LTBP3: variants seen among roughly 807,000 people sequenced by gnomAD.
LTBP3 encodes the protein latent-transforming growth factor beta-binding protein 3.
A neutral mutation model predicts 159.7 loss-of-function variants in LTBP3; 97 were observed. That is an observed-to-expected ratio of 0.61 (90% CI 0.52 to 0.72). LTBP3 has a LOEUF of 0.72. Among genes scored for constraint, LTBP3 ranks in the 30% least tolerant of loss-of-function variants. LTBP3 has a pLI of 0.00. For missense variants in LTBP3, 1,584 were observed against 1,864.3 expected (o/e 0.85, Z 2.77); for synonymous variants, 824 against 777.1 (o/e 1.06, Z -1.00).
At chr11:65,549,698 G>C (rs1219302828) in intron 11 of LTBP3, among the ~76,000 whole-genome samples, 1 of 133,104 alleles carries the variant, frequency 7.5e-6, no homozygotes, top group African/African-American at 2.9e-5. Flanking sequence ...GATTACAGCC[G>C]TGAGCCACTG....
At chr11:65,557,481 T>G in intron 1 of LTBP3, 148 bp downstream of exon 1, 1 of 1,074,920 alleles carries the variant, frequency 9.3e-7, no homozygotes, top group Non-Finnish European at 1.3e-6. Context: ...GCCTCCCAAG[T>G]TCCCTGAGGC....
At position 65,551,968 on chromosome 11, in the gene LTBP3, A is replaced by T; in HGVS notation, c.1531+4T>A. 1 of 1,613,876 alleles carries T rather than the reference A, an allele frequency of 6.2e-7. No individual in the cohort carries two copies. Among genetic ancestry groups the T allele is most frequent in the Non-Finnish European group, 8.5e-7 (1 of 1,179,952 alleles). On this transcript the variant is annotated splice_donor_region_variant and intron_variant, in intron 8 of 27. Coordinates refer to ENST00000301873, the MANE Select transcript of LTBP3 (RefSeq NM_001130144.3). ...GTCAGGGATCAGAAGGGGTCAGGCT[A>T]GACCTCTCTCTTCCTCTGTGTCCTC...
chr11:65,557,983 G>A lies in LTBP3; in HGVS notation c.-24C>T, dbSNP rs757073399. 1.8e-6 allele frequency: 2 copies of A among 1,124,636 alleles called. No homozygotes were observed. Among genetic ancestry groups the A allele is most frequent in the Non-Finnish European group, 2.2e-6 (2 of 920,994 alleles). 69.7% of individuals were successfully genotyped at this position (1,124,636 alleles called of 1,614,324 possible). Reference sequence around the variant, plus strand: ...ATCCGGGGCCGCAGGACCCGGGGGAGGGGGGGCGCGCCCGGGCGGGGCGAG... The same window carrying A: ...ATCCGGGGCCGCAGGACCCGGGGGAAGGGGGGCGCGCCCGGGCGGGGCGAG... On this transcript the variant is annotated 5_prime_UTR_variant, in exon 1 of 28. Transcript: ENST00000301873.
rs1282350856 is a variant in LTBP3 at position 65,539,117 on chromosome 11, C to T, written c.3875G>A (p.Arg1292His). Residue 1292 changes from arginine to histidine, a missense_variant, in exon 28 of 28, where the codon CGC (arginine) becomes CAC (histidine). Physicochemically the swap from Arg to His is conservative, Grantham distance 29. Around this residue, in one of 6 missense-constraint regions of LTBP3, gnomAD observed 514 missense variants for 530.3 expected, o/e 0.97. Transcript: ENST00000301873. ...CTGGGGAACGCAGGCCCCGTGCGGG[C>T]GGCTGCGCGCGAAGCCGGCTTTGCA... Reference protein sequence around the residue: ...CVCKAGFARSRPHGACVPQRR... With the variant: ...CVCKAGFARSHPHGACVPQRR... 1.2e-5 allele frequency: 18 copies of T among 1,473,242 alleles called. No individual in the cohort carries two copies. Among genetic ancestry groups the T allele is most frequent in the Middle Eastern group, 2.2e-4 (1 of 4,464 alleles). 91.3% of individuals were successfully genotyped at this position (1,473,242 alleles called of 1,614,324 possible).
intron 1 of LTBP3, among the ~76,000 whole-genome samples, chr11:65,556,772 G>A (rs113635454): frequency 2.6e-5 from 4 of 152,342 alleles, no homozygotes; most frequent in African/African-American, 9.6e-5. Context: ...ATGTGTAAGA[G>A]GGGCTGTTTT....
intron 1 of LTBP3, among the ~76,000 whole-genome samples, chr11:65,557,190 A>G (rs905358436): frequency 3.0e-4 from 45 of 151,894 alleles, no homozygotes; most frequent in African/African-American, 1.1e-3. Flanking sequence ...GCAGGTGTCT[A>G]CTCTGGCAGG....
rs776753855 is a variant in LTBP3 at position 65,553,745 on chromosome 11, TC to T, written c.819del (p.Lys274SerfsTer114). ...PKPSHPRPPT[Q>X]KPLGRCFQDT... is the part of the protein sequence containing the mutation. Reference sequence around the variant, plus strand: ...TCCTGAAAGCAGCGGCCCAGGGGCTTCTGGGTGGGCGGCCGGGGGTGCGAGG... The same window carrying T: ...TCCTGAAAGCAGCGGCCCAGGGGCTTTGGGTGGGCGGCCGGGGGTGCGAGG... On this transcript the variant is annotated frameshift_variant, in exon 3 of 28. Coordinates refer to ENST00000301873, the MANE Select transcript of LTBP3 (RefSeq NM_001130144.3). LOFTEE classifies it high-confidence loss of function. This position sits in a 1 kb window ranked among gnomAD's most constrained non-coding sequence, Gnocchi z 6.5. The T allele has an allele frequency of 6.3e-7, 1 of 1,579,028 alleles. No individual in the cohort carries two copies. Among genetic ancestry groups the T allele is most frequent in the Admixed American group, 1.8e-5 (1 of 57,054 alleles).
chr11:65,542,461 C>T (rs905705923), intron 18 of LTBP3: 1 of 146,288 alleles, frequency 6.8e-6, no homozygotes, highest in African/African-American at 2.7e-5. Context: ...GATCTCGGCT[C>T]ACTGCAACCT....
At position 65,547,004 on chromosome 11, in the gene LTBP3, C is replaced by T; in HGVS notation, c.2108-84G>A. ...CCAGCGTCCACAGCAGGGACTTCCT[C>T]CCACACAGATCAACGAGGCTCCCGG... On this transcript the variant is annotated intron_variant, in intron 14 of 27. Coordinates refer to ENST00000301873, the MANE Select transcript of LTBP3 (RefSeq NM_001130144.3). The surrounding 1 kb of genome is among the most constrained non-coding windows in gnomAD (Gnocchi z 4.6). 1.3e-6 allele frequency: 2 copies of T among 1,580,404 alleles called. No individual in the cohort carries two copies. Among genetic ancestry groups the T allele is most frequent in the Non-Finnish European group, 1.7e-6 (2 of 1,162,868 alleles).
At chr11:65,549,523 T>C (rs1047341276) in intron 11 of LTBP3, among the ~76,000 whole-genome samples, 7 of 150,326 alleles carry the variant, frequency 4.7e-5, no homozygotes, top group African/African-American at 1.7e-4. Flanking sequence ...GTGATTCTCC[T>C]GAGTAGCTGG....
In LTBP3 at chr11:65,539,707, C is replaced by G; in HGVS notation, c.3547+13G>C. 6.4e-7 allele frequency: 1 copy of G among 1,561,974 alleles called. No homozygotes were observed. The highest frequency in any genetic ancestry group is 1.2e-5 in the South Asian group (1 of 86,308). ...ATCCTCGCTCCCGGCCAACTCCTCC[C>G]CGACTGCCTTACCCGCGCCGCGCGG... On this transcript the variant is annotated intron_variant, in intron 25 of 27. Coordinates refer to ENST00000301873, the MANE Select transcript of LTBP3 (RefSeq NM_001130144.3).
Position 65,538,856 on chromosome 11 carries a change from A to C in LTBP3, c.*224T>G. ...TCTGATTTATCAGTTTCTAGGAAAC[A>C]CCCTCTGGGAGGAAGGCAGGCAGCG... On this transcript the variant is annotated 3_prime_UTR_variant, in exon 28 of 28. Transcript: ENST00000301873. The C allele has an allele frequency of 1.2e-6, 1 of 860,766 alleles. No individual in the cohort carries two copies. The highest frequency in any genetic ancestry group is 2.4e-5 in the South Asian group (1 of 40,892). The allele number at this position is 860,766 out of a possible 1,614,324, so 53.3% of individuals were successfully genotyped here.
In LTBP3 at chr11:65,546,460, CG is replaced by C. The variant is rs1565094273; in HGVS notation, c.2334del (p.Asp779ThrfsTer89). On this transcript the variant is annotated frameshift_variant, in exon 16 of 28. Coordinates refer to ENST00000301873, the MANE Select transcript of LTBP3 (RefSeq NM_001130144.3). LOFTEE classifies it high-confidence loss of function. The surrounding 1 kb of genome is among the most constrained non-coding windows in gnomAD (Gnocchi z 4.0). ...CGCTCACCCAAGCAACTGCGGCCGT[CG>C]GGCGCGGGCGCGTAGCCCTGGGCAC... ...CTCAQGYAPA[P>X]DGRSCLDVDE... 6.4e-7 allele frequency: 1 copy of C among 1,573,878 alleles called. No homozygotes were observed. The highest frequency in any genetic ancestry group is 1.8e-5 in the Admixed American group (1 of 55,710).
At chr11:65,540,735 A>AGTAG in intron 21 of LTBP3, 121 bp from the exon 22 acceptor site, 1 of 1,474,360 alleles carries the variant, frequency 6.8e-7, no homozygotes, top group Non-Finnish European at 9.3e-7. Context: ...CGGGGCCTAC[A>AGTAG]GGGCGGGGCC....
chr11:65,546,545 C>T lies in LTBP3; in HGVS notation c.2250G>A (p.Glu750=). ...GACRDVNECA[E]GSPCSPGWCE... ...ACCAGCCAGGCGAGCAGGGGCTGCC[C>T]TCGGCGCACTCGTTCACGTCTGCGG... is the stretch of plus-strand genomic sequence containing the variant. Residue 750 remains glutamate (E), a synonymous_variant, in exon 16 of 28, where the codon GAG becomes GAA. Transcript: ENST00000301873. The surrounding 1 kb of genome is among the most constrained non-coding windows in gnomAD (Gnocchi z 4.0). 6.2e-7 allele frequency: 1 copy of T among 1,602,286 alleles called. No homozygotes were observed. Among genetic ancestry groups the T allele is most frequent in the Non-Finnish European group, 8.5e-7 (1 of 1,179,408 alleles).
rs751452456 is a variant in LTBP3 at position 65,557,928 on chromosome 11, A to G, written c.32T>C (p.Leu11Pro). MPGPRGAAGG[L>P]APEMRGAGAA... The stretch of plus-strand genomic sequence containing the variant: ...CCCCGCCCCGCGCATCTCAGGGGCC[A>G]GGCCGCCAGCAGCCCCTCGGGGCCC... The change falls in exon 1 of 28, where the codon CTG (leucine) becomes CCG (proline). Residue 11 changes from leucine to proline, a missense_variant. Physicochemically the swap from Leu to Pro is moderately conservative, Grantham distance 98. Transcript: ENST00000301873. The G allele has an allele frequency of 8.2e-7, 1 of 1,226,744 alleles. No homozygotes were observed. Among genetic ancestry groups the G allele is most frequent in the South Asian group, 2.5e-5 (1 of 39,828 alleles). 76.0% of individuals were successfully genotyped at this position (1,226,744 alleles called of 1,614,324 possible).
intron 18 of LTBP3, chr11:65,542,748 G>T (rs1856196386): frequency 2.9e-6 from 1 of 344,018 alleles, no homozygotes; most frequent in South Asian, 2.3e-5. Context: ...TGAGTTGATG[G>T]GGAAGACCAA....
chr11:65,553,924 C>A lies in LTBP3; in HGVS notation c.662-21G>T. Reference sequence around the variant, plus strand: ...CTGCACTGGGGGCGGGCGCGGTGGCCTCAGGGCTGCCCGCACCGCGCCGCG... The same window carrying A: ...CTGCACTGGGGGCGGGCGCGGTGGCATCAGGGCTGCCCGCACCGCGCCGCG... On this transcript the variant is annotated intron_variant, in intron 2 of 27. Transcript: ENST00000301873. The surrounding 1 kb of genome is among the most constrained non-coding windows in gnomAD (Gnocchi z 6.5). 2 of 1,519,614 alleles carry A rather than the reference C, an allele frequency of 1.3e-6. No homozygotes were observed. The highest frequency in any genetic ancestry group is 1.8e-6 in the Non-Finnish European group (2 of 1,132,756). The allele number at this position is 1,519,614 out of a possible 1,614,324, so 94.1% of individuals were successfully genotyped here. A position where few individuals can be genotyped will look rare whatever the true frequency, so the allele number is the denominator to read the frequency against.
intron 11 of LTBP3, chr11:65,549,017 G>A (rs1856494756): frequency 6.6e-6 from 1 of 152,222 alleles, no homozygotes; most frequent in East Asian, 1.9e-4. Flanking sequence ...GTGACCTGGG[G>A]CAGGTTACTG....
Sources: allele counts gnomAD v4.1 joint callset (sites outside exome capture counted in the v4.1 genomes callset), GRCh38; gene constraint gnomAD v4.1.1; regional missense constraint gnomAD v4.1.1; non-coding constraint Gnocchi (gnomAD v3.1); transcripts MANE v1.5; gene names NCBI Gene and HGNC (gene_info 2026-07-23, HGNC 2026-07-21).